Variants in SPATA7 observed in about 807,000 individuals in gnomAD.
The protein encoded by SPATA7 is spermatogenesis-associated protein 7.
Under a neutral mutation model 51.8 loss-of-function variants are expected in SPATA7, and 43 were observed. That is an observed-to-expected ratio of 0.83 (90% CI 0.65 to 1.07). The LOEUF is 1.07. Among genes scored for constraint, SPATA7 ranks in the 50% least tolerant of loss-of-function variants. SPATA7 has a pLI of 0.00. For missense variants in SPATA7, 683 were observed against 701.3 expected, an observed-to-expected ratio of 0.97 and a Z score of 0.30; for synonymous variants, 230 against 252.8, an observed-to-expected ratio of 0.91 and a Z score of 0.86.
In SPATA7 at chr14:88,416,326, C is replaced by A. The variant is rs2076474777; in HGVS notation, c.239-385C>A. The A allele has an allele frequency of 1.8e-5, 3 of 168,388 alleles. No homozygotes were observed. In the Admixed American group the frequency reaches 1.8e-4, roughly 10 times the overall value. 10.4% of individuals were successfully genotyped at this position (168,388 alleles called of 1,614,324 possible). A position where few individuals can be genotyped will look rare whatever the true frequency, so the allele number is the denominator to read the frequency against. Reference sequence around the variant, plus strand: ...AAATAACATGGTTAAGCATTTGTAACCTTCATATCTCTGTGAATAACTGCT... The same window carrying A: ...AAATAACATGGTTAAGCATTTGTAAACTTCATATCTCTGTGAATAACTGCT... On this transcript the variant is annotated intron_variant, in intron 4 of 11. Transcript: ENST00000393545.
intron 3 of SPATA7, among the ~76,000 whole-genome samples, chr14:88,395,699 C>A (rs1478095358): frequency 1.3e-5 from 2 of 151,952 alleles, no homozygotes; most frequent in Admixed American, 1.3e-4. Context: ...ATTTAATTGT[C>A]CTAGTACTTT....
At chr14:88,447,094 T>TC (rs2077219107) in intron 3 of SPATA7, among the ~76,000 whole-genome samples, 1 of 150,906 alleles carries the variant, frequency 6.6e-6, no homozygotes, top group Non-Finnish European at 1.5e-5. Flanking sequence ...TGTTAAAGTC[T>TC]CCCATTATTA....
chr14:88,463,304 A>G (rs1030627867), intron 4 of SPATA7, among the ~76,000 whole-genome samples: 3 of 152,184 alleles, frequency 2.0e-5, no homozygotes, highest in African/African-American at 7.2e-5. Flanking sequence ...TTCATTAGCA[A>G]GATCCCTGCT....
intron 4 of SPATA7, among the ~76,000 whole-genome samples, chr14:88,406,023 C>T (rs762376217): frequency 2.0e-5 from 3 of 152,042 alleles, no homozygotes; most frequent in Non-Finnish European, 4.4e-5. Context: ...ATTATAATCA[C>T]CAAGTTAAGT....
chr14:88,469,166 G>C lies in SPATA7; in HGVS notation c.255-681G>C. ...TCTTCATATTCTCTCCACTGATTAAGAGGACTGCAGATAAAGAGCACTGGG... is the reference window on the plus strand; with the variant it reads ...TCTTCATATTCTCTCCACTGATTAACAGGACTGCAGATAAAGAGCACTGGG... On this transcript the variant is annotated intron_variant, in intron 4 of 4. Transcript: ENST00000556406. This position sits in a 1 kb window ranked among gnomAD's most constrained non-coding sequence, Gnocchi z 4.3. 1.4e-6 allele frequency: 2 copies of C among 1,379,596 alleles called. No homozygotes were observed. The highest frequency in any genetic ancestry group is 2.0e-6 in the Non-Finnish European group (2 of 1,016,308). The allele number at this position is 1,379,596 out of a possible 1,614,324, so 85.5% of individuals were successfully genotyped here. A position where few individuals can be genotyped will look rare whatever the true frequency, so the allele number is the denominator to read the frequency against.
At chr14:88,402,959 C>CAAAAAAAAAAAAAAAAAAAAAAAAAAAA in intron 4 of SPATA7, among the ~76,000 whole-genome samples, 1 of 62,018 alleles carries the variant, frequency 1.6e-5, no homozygotes, top group African/African-American at 5.1e-5. Context: ...AACTCAATAG[C>CAAAAAAAAAAAAAAAAAAAAAAAAAAAA]AAAAAAAAAA....
chr14:88,423,489 G>A (rs548439808), intron 5 of SPATA7, among the ~76,000 whole-genome samples: 3 of 151,082 alleles, frequency 2.0e-5, no homozygotes, highest in East Asian at 1.9e-4. Flanking sequence ...CCAGGAGGTC[G>A]TGGCTGCAGT....
In SPATA7 at chr14:88,469,759, G is replaced by A. The variant is rs924107106; in HGVS notation, c.255-88G>A. 4.3e-6 allele frequency: 7 copies of A among 1,611,524 alleles called. No homozygotes were observed. Among genetic ancestry groups the A allele is most frequent in the East Asian group, 2.2e-5 (1 of 44,862 alleles). On this transcript the variant is annotated intron_variant, in intron 4 of 4. Coordinates refer to the SPATA7 transcript ENST00000556406. This position sits in a 1 kb window ranked among gnomAD's most constrained non-coding sequence, Gnocchi z 4.3. Reference sequence around the variant, plus strand: ...CTGTTAAAGATGAGCATGGTTAAATGACTCGAGATCCGGCAATGGATGCCT... The same window carrying A: ...CTGTTAAAGATGAGCATGGTTAAATAACTCGAGATCCGGCAATGGATGCCT...
At chr14:88,417,988 CATT>C (rs1471075339) in intron 5 of SPATA7, among the ~76,000 whole-genome samples, 2 of 152,122 alleles carry the variant, frequency 1.3e-5, no homozygotes, top group African/African-American at 4.8e-5. Context: ...TTTTTTAAGT[CATT>C]ATAGAATGAT....
chr14:88,435,378 A>G (rs1159075398), intron 10 of SPATA7, among the ~76,000 whole-genome samples: 1 of 152,158 alleles, frequency 6.6e-6, no homozygotes, highest in Non-Finnish European at 1.5e-5. Context: ...TGAAATAAGA[A>G]CGTCACGGAG....
intron 4 of SPATA7, among the ~76,000 whole-genome samples, chr14:88,404,884 C>G (rs1202945240): frequency 6.6e-6 from 1 of 152,030 alleles, no homozygotes; most frequent in Non-Finnish European, 1.5e-5. Flanking sequence ...AGGGCTGGGA[C>G]TAAAGAGGTG....
rs1244868739 is a variant in SPATA7 at position 88,412,039 on chromosome 14, ACTT to A, written c.239-4668_239-4666del. ...ACCTTGCCACATCTACTATTTTTTGACTTCTTAGTAATAGCCATTCTGGCTGGT... is the reference window on the plus strand; with the variant it reads ...ACCTTGCCACATCTACTATTTTTTGACTTAGTAATAGCCATTCTGGCTGGT... On this transcript the variant is annotated intron_variant, in intron 4 of 11. Coordinates refer to ENST00000393545, the MANE Select transcript of SPATA7 (RefSeq NM_018418.5). Among the ~76,000 whole-genome samples the A allele has an allele frequency of 5.9e-5, 9 of 151,936 alleles. No individual in the cohort carries two copies. In the East Asian group the frequency reaches 1.7e-3, roughly 29 times the overall value.
chr14:88,468,370 GTC>G, intron 4 of SPATA7: 1 of 1,135,902 alleles, frequency 8.8e-7, no homozygotes, highest in Non-Finnish European at 1.2e-6. Context: ...GAGATGGACA[GTC>G]TCTTTTCCAC....
intron 4 of SPATA7, among the ~76,000 whole-genome samples, chr14:88,399,650 A>G (rs2076002439): frequency 1.3e-5 from 2 of 152,318 alleles, no homozygotes; most frequent in East Asian, 1.9e-4. Flanking sequence ...CAGTGTTTAC[A>G]TGCTTTAAAT....
chr14:88,394,458 C>G (rs1265184662), intron 3 of SPATA7, among the ~76,000 whole-genome samples: 1 of 152,104 alleles, frequency 6.6e-6, no homozygotes, highest in Admixed American at 6.6e-5. Flanking sequence ...GATCTTGAGA[C>G]TAATTCACAC....
chr14:88,420,958 CA>C (rs141945871), intron 5 of SPATA7, among the ~76,000 whole-genome samples: 2 of 150,528 alleles, frequency 1.3e-5, no homozygotes, highest in Non-Finnish European at 3.0e-5. Flanking sequence ...TACTAAAATA[CA>C]AAAAAAAATT....
At chr14:88,443,704 A>C (rs569891394) in intron 3 of SPATA7, among the ~76,000 whole-genome samples, 1 of 148,524 alleles carries the variant, frequency 6.7e-6, no homozygotes, top group African/African-American at 2.5e-5. Context: ...TCATTGTTCA[A>C]TTCCCACCTA....
intron 4 of SPATA7, among the ~76,000 whole-genome samples, chr14:88,401,051 A>C (rs1425043231): frequency 1.3e-5 from 2 of 152,182 alleles, no homozygotes; most frequent in African/African-American, 4.8e-5. Flanking sequence ...CAAGAAAAGA[A>C]AGCTACAGGC....
intron 1 of SPATA7, among the ~76,000 whole-genome samples, chr14:88,389,701 C>A: frequency 6.6e-6 from 1 of 152,158 alleles, no homozygotes; most frequent in Non-Finnish European, 1.5e-5. Flanking sequence ...ATATTAACCA[C>A]CTTGTTCACA....
Sources: gnomAD v4.1 joint callset for allele counts (sites outside exome capture counted in the v4.1 genomes callset) on GRCh38, gnomAD v4.1.1 for gene constraint, Gnocchi (gnomAD v3.1) non-coding constraint, MANE v1.5 for transcripts, NCBI Gene and HGNC (gene_info 2026-07-23, HGNC 2026-07-21) for gene names.